Variants in NPIPB15 observed in about 807,000 individuals in gnomAD.
NPIPB15 encodes nuclear pore complex interacting protein family member B15, also known as nuclear pore complex-interacting protein family member B15.
NPIPB15 carries 5 observed loss-of-function variants against 35.9 expected under a neutral mutation model. That is an observed-to-expected ratio of 0.14 (90% CI 0.07 to 0.29). NPIPB15 has a LOEUF of 0.29. Ranked by LOEUF, NPIPB15 falls within the 10% of genes least tolerant of loss-of-function variation. NPIPB15 has a pLI of 1.00. For missense variants in NPIPB15, 100 were observed against 506.1 expected (o/e 0.20, Z 7.70); for synonymous variants, 43 against 182.0 (o/e 0.24, Z 6.15).
intron 2 of NPIPB15, among the ~76,000 whole-genome samples, chr16:74,381,030 C>A (rs1222428106): frequency 2.0e-5 from 3 of 147,094 alleles, no homozygotes; most frequent in African/African-American, 5.0e-5. Flanking sequence ...GTAATCTCAG[C>A]TACTCGGGAG....
At chr16:74,379,531 A>G (rs1162473841) in intron 2 of NPIPB15, among the ~76,000 whole-genome samples, 35 of 151,560 alleles carry the variant, frequency 2.3e-4, no homozygotes, top group African/African-American at 6.8e-4. Flanking sequence ...AATATCAACA[A>G]TCTTAGAGAA....
At chr16:74,382,906 CTTTT>C (rs1207851456) in intron 3 of NPIPB15, among the ~76,000 whole-genome samples, 28 of 115,822 alleles carry the variant, frequency 2.4e-4, no homozygotes, top group African/African-American at 5.0e-4. Context: ...TTGGAGGAAG[CTTTT>C]TTTTTTTTTT....
intron 2 of NPIPB15, among the ~76,000 whole-genome samples, chr16:74,381,096 T>G (rs1350558225): frequency 7.4e-6 from 1 of 134,978 alleles, no homozygotes; most frequent in African/African-American, 2.9e-5. Flanking sequence ...TGAGCCGAGA[T>G]TGCACCACTG....
At chr16:74,379,585 ATTTTTT>A (rs547124371) in intron 2 of NPIPB15, among the ~76,000 whole-genome samples, 4,315 of 122,900 alleles carry the variant, frequency 0.035, 93 homozygotes, top group East Asian at 0.051. Flanking sequence ...CACCTTGGTA[ATTTTTT>A]TTTTTTTTTT....
At chr16:74,381,148 C>CAAAAAAAAAAAAAAAAA (rs1166274271) in intron 2 of NPIPB15, among the ~76,000 whole-genome samples, 2 of 74,244 alleles carry the variant, frequency 2.7e-5, no homozygotes, top group African/African-American at 5.9e-5. Flanking sequence ...ACTCTGTCTC[C>CAAAAAAAAAAAAAAAAA]AAAAAAAAAA....
chr16:74,383,798 C>T (rs888009397), intron 3 of NPIPB15, among the ~76,000 whole-genome samples: 39 of 152,038 alleles, frequency 2.6e-4, no homozygotes, highest in African/African-American at 8.4e-4. Context: ...CACCTATAAT[C>T]CCAGCTACTT....
Position 74,391,387 on chromosome 16 carries a change from A to T in NPIPB15, c.643-4A>T. ...TGAAAACATTCCCTCCTTTGGCCCT[A>T]CAGGTCAGAATGGCGGCAGCGGAGC... On this transcript the variant is annotated splice_polypyrimidine_tract_variant and splice_region_variant and intron_variant, in intron 7 of 7. Coordinates refer to ENST00000692376, the MANE Select transcript of NPIPB15 (RefSeq NM_001306094.2). 6.2e-7 allele frequency: 1 copy of T among 1,602,812 alleles called. No homozygotes were observed. The highest frequency in any genetic ancestry group is 1.1e-5 in the South Asian group (1 of 91,016).
At chr16:74,381,122 G>A (rs377375363) in intron 2 of NPIPB15, among the ~76,000 whole-genome samples, 8,522 of 108,692 alleles carry the variant, frequency 0.078, 2 homozygotes, top group East Asian at 0.099. Context: ...CAGCCTGGGC[G>A]ACTGAGTGGA....
At chr16:74,381,355 C>T in intron 2 of NPIPB15, 161 bp from the exon 3 acceptor site, 1 of 855,988 alleles carries the variant, frequency 1.2e-6, no homozygotes, top group Non-Finnish European at 1.7e-6. Context: ...CATGAGACTT[C>T]TAACTTCTGT....
intron 3 of NPIPB15, among the ~76,000 whole-genome samples, chr16:74,384,506 C>T (rs1427328528): frequency 7.7e-5 from 7 of 90,786 alleles, no homozygotes; most frequent in Admixed American, 2.8e-4. Context: ...GTAGCTGGGA[C>T]TACAGGCGTG....
chr16:74,384,651 G>A (rs1353633809), intron 3 of NPIPB15, among the ~76,000 whole-genome samples: 3 of 144,718 alleles, frequency 2.1e-5, no homozygotes, highest in Non-Finnish European at 4.5e-5. Context: ...ACAGGCGTGA[G>A]CTACCGCACC....
chr16:74,388,971 A>G (rs2012414381), intron 5 of NPIPB15, among the ~76,000 whole-genome samples: 1 of 149,604 alleles, frequency 6.7e-6, no homozygotes, highest in Non-Finnish European at 1.5e-5. Context: ...AACAGAAAAC[A>G]AAGTACCTGA....
intron 2 of NPIPB15, among the ~76,000 whole-genome samples, chr16:74,378,658 T>C (rs1483384254): frequency 8.6e-5 from 13 of 150,434 alleles, no homozygotes; most frequent in African/African-American, 2.9e-4. Flanking sequence ...GTGATCCGCC[T>C]GCCTCGGCCT....
intron 2 of NPIPB15, among the ~76,000 whole-genome samples, chr16:74,379,868 G>C (rs1205856895): frequency 6.6e-6 from 1 of 151,976 alleles, no homozygotes; most frequent in African/African-American, 2.4e-5. Context: ...GATTGCAGGC[G>C]TGAGCCACCA....
At chr16:74,379,586 T>C (rs1188288128) in intron 2 of NPIPB15, among the ~76,000 whole-genome samples, 18 of 17,970 alleles carry the variant, frequency 1.0e-3, no homozygotes, top group Non-Finnish European at 1.7e-3. Flanking sequence ...ACCTTGGTAA[T>C]TTTTTTTTTT....
chr16:74,378,297 C>G (rs1341636200), intron 2 of NPIPB15, among the ~76,000 whole-genome samples: 5 of 151,538 alleles, frequency 3.3e-5, no homozygotes, highest in Non-Finnish European at 7.4e-5. Flanking sequence ...GTGGGAGGAT[C>G]GCTTGGGCCC....
chr16:74,378,443 T>C (rs2011797166), intron 2 of NPIPB15, among the ~76,000 whole-genome samples: 1 of 134,224 alleles, frequency 7.5e-6, no homozygotes, highest in African/African-American at 3.0e-5. Flanking sequence ...TTTTTTTTTT[T>C]TTTGACAGAG....
At chr16:74,387,803 G>A (rs201998550) in intron 5 of NPIPB15, among the ~76,000 whole-genome samples, 24,181 of 147,442 alleles carry the variant, frequency 0.16, 1,491 homozygotes, top group Admixed American at 0.25. Context: ...AAGTGTTTTC[G>A]CCCCTGTTTC....
In NPIPB15 at chr16:74,386,007, T is replaced by C. The variant is rs1373345515; in HGVS notation, c.545+258T>C. 7.4e-5 allele frequency among the ~76,000 whole-genome samples: 10 copies of C among 135,458 alleles called. 2 individuals carry two copies. The highest frequency in any genetic ancestry group is 1.6e-4 in the Non-Finnish European group (10 of 63,742). 88.9% of individuals were successfully genotyped at this position (135,458 alleles called of 152,430 possible). The stretch of plus-strand genomic sequence containing the variant: ...TTCCTTTCTCTCTTTTTTTTTTTTT[T>C]CCTGAGATGGAGCTTTGCTGTTGTT... On this transcript the variant is annotated intron_variant, in intron 5 of 7. Coordinates refer to ENST00000692376, the MANE Select transcript of NPIPB15 (RefSeq NM_001306094.2).
Sources: allele counts gnomAD v4.1 joint callset (sites outside exome capture counted in the v4.1 genomes callset), GRCh38; gene constraint gnomAD v4.1.1; transcripts MANE v1.5; gene names NCBI Gene and HGNC (gene_info 2026-07-23, HGNC 2026-07-21).